IQSEC1: variants seen among roughly 807,000 people sequenced by gnomAD.
IQSEC1 encodes the protein IQ motif and SEC7 domain-containing protein 1.
IQSEC1 carries 31 observed loss-of-function variants against 91.0 expected under a neutral mutation model. That is an observed-to-expected ratio of 0.34 (90% confidence interval 0.26 to 0.46). The LOEUF (loss-of-function observed/expected upper bound fraction) is 0.46, where lower values mean the gene tolerates loss of function less well. IQSEC1 is among the 20% of genes least tolerant of loss of function. IQSEC1 has a pLI of 1.00. For synonymous variants in IQSEC1, 699 were observed against 662.6 expected (o/e 1.05, Z -0.84); for missense variants, 1,388 against 1,575.6 (o/e 0.88, Z 2.02).
intron 2 of IQSEC1, among the ~76,000 whole-genome samples, chr3:13,085,985 C>G (rs1201467438): frequency 6.6e-6 from 1 of 152,250 alleles, no homozygotes; most frequent in African/African-American, 2.4e-5. Flanking sequence ...GCACACTTCT[C>G]CTCTACCCCC....
chr3:13,127,506 A>G (rs1230629835), intron 2 of IQSEC1, among the ~76,000 whole-genome samples: 1 of 152,116 alleles, frequency 6.6e-6, no homozygotes, highest in African/African-American at 2.4e-5. Flanking sequence ...TGCCAATATC[A>G]TACTGTCTTG....
chr3:13,049,144 G>A (rs559854763), intron 1 of IQSEC1, among the ~76,000 whole-genome samples: 33 of 152,320 alleles, frequency 2.2e-4, no homozygotes, highest in African/African-American at 7.7e-4. Context: ...TGGGCATGGT[G>A]AGGAATTTTG....
chr3:12,915,845 G>C, intron 6 of IQSEC1, 112 bp from the exon 7 acceptor site: 1 of 1,254,146 alleles, frequency 8.0e-7, no homozygotes, highest in South Asian at 1.4e-5. Flanking sequence ...CAGAACCAAA[G>C]AACTCCCAGG....
chr3:12,980,403 G>A (rs1266582122), intron 1 of IQSEC1, among the ~76,000 whole-genome samples: 1 of 152,202 alleles, frequency 6.6e-6, no homozygotes, highest in Non-Finnish European at 1.5e-5. Context: ...CAGGCTCCTG[G>A]AGTTGATCCA....
At chr3:13,180,620 A>T (rs1576285137) in intron 1 of IQSEC1, among the ~76,000 whole-genome samples, 1 of 151,928 alleles carries the variant, frequency 6.6e-6, no homozygotes, top group Admixed American at 6.6e-5. Flanking sequence ...TTTGCAATAA[A>T]TCTTGCTGCT....
chr3:13,074,419 C>T (rs1705529486), upstream of IQSEC1, among the ~76,000 whole-genome samples: 1 of 152,204 alleles, frequency 6.6e-6, no homozygotes, highest in Non-Finnish European at 1.5e-5. Context: ...GCCTTTCCCA[C>T]ACAGATTTCT....
chr3:13,207,748 G>C lies in IQSEC1; in HGVS notation c.273-43615C>G, dbSNP rs1455886287. ...GCCACGCCATCGCCAGCTCTCCCGG[G>C]AGGCTCTCTCTCACCATCGCATCTA... On this transcript the variant is annotated intron_variant, in intron 1 of 15. Transcript: ENST00000648114. The surrounding 1 kb of genome is among the most constrained non-coding windows in gnomAD (Gnocchi z 4.8). Among the ~76,000 whole-genome samples, 8 of 152,188 alleles carry C rather than the reference G, an allele frequency of 5.3e-5. No homozygotes were observed. The highest frequency in any genetic ancestry group is 1.3e-4 in the Admixed American group (2 of 15,288).
At position 12,909,389 on chromosome 3, in the gene IQSEC1, T is replaced by C. The variant is rs754821070; in HGVS notation, c.2462A>G (p.Asp821Gly). 2 of 1,614,182 alleles carry C rather than the reference T, an allele frequency of 1.2e-6. No homozygotes were observed. Among genetic ancestry groups the C allele is most frequent in the Non-Finnish European group, 1.7e-6 (2 of 1,180,032 alleles). The change falls in exon 11 of 14, where the codon GAT becomes GGT. Residue 821 changes from aspartate (D) to glycine (G), a missense_variant. Asp to Gly is a moderately conservative substitution (Grantham distance 94). Coordinates refer to ENST00000613206, the MANE Select transcript of IQSEC1 (RefSeq NM_001134382.3). This position sits in a 1 kb window ranked among gnomAD's most constrained non-coding sequence, Gnocchi z 4.9. ...IRLTSSVPGA[D>G]IKVLINFNAP... is the part of the protein sequence containing the mutation. ...GTTGAAGTTTATTAACACTTTGATA[T>C]CTGCTCCGGGGACAGACGAGGTGAG...
chr3:13,220,292 C>G (rs1694633048), intron 1 of IQSEC1, among the ~76,000 whole-genome samples: 1 of 152,238 alleles, frequency 6.6e-6, no homozygotes, highest in Non-Finnish European at 1.5e-5. Context: ...AAATTTCAAA[C>G]TTGGAAATGG....
chr3:13,154,364 G>A (rs1337813233), intron 2 of IQSEC1, among the ~76,000 whole-genome samples: 3 of 143,048 alleles, frequency 2.1e-5, no homozygotes, highest in African/African-American at 7.8e-5. Context: ...CTCCCTGATG[G>A]GTGCTAATGG....
chr3:12,957,521 A>C (rs1357083008), intron 1 of IQSEC1, among the ~76,000 whole-genome samples: 2 of 152,256 alleles, frequency 1.3e-5, no homozygotes, highest in East Asian at 3.8e-4. Flanking sequence ...TAAATAAAGC[A>C]GTTCTCTGTG....
intron 1 of IQSEC1, among the ~76,000 whole-genome samples, chr3:13,006,093 T>G (rs1404614499): frequency 6.6e-6 from 1 of 152,216 alleles, no homozygotes; most frequent in African/African-American, 2.4e-5. Context: ...AGCAAAATCC[T>G]AATGATACAT....
At chr3:13,113,879 C>T (rs991099534) in intron 2 of IQSEC1, among the ~76,000 whole-genome samples, 1 of 152,210 alleles carries the variant, frequency 6.6e-6, no homozygotes, top group Non-Finnish European at 1.5e-5. Context: ...CCATCCATGG[C>T]GGACTGGCTA....
rs1459995175 is a variant in IQSEC1 at position 12,909,491 on chromosome 3, T to A, written c.2417-57A>T. The A allele has an allele frequency of 6.6e-7, 1 of 1,523,422 alleles. No individual in the cohort carries two copies. The highest frequency in any genetic ancestry group is 1.4e-5 in the African/African-American group (1 of 72,892). 94.4% of individuals were successfully genotyped at this position (1,523,422 alleles called of 1,614,324 possible). A position where few individuals can be genotyped will look rare whatever the true frequency, so the allele number is the denominator to read the frequency against. On this transcript the variant is annotated intron_variant, in intron 10 of 13. Coordinates refer to ENST00000613206, the MANE Select transcript of IQSEC1 (RefSeq NM_001134382.3). The surrounding 1 kb of genome is among the most constrained non-coding windows in gnomAD (Gnocchi z 4.9). The stretch of plus-strand genomic sequence containing the variant: ...ACGGGTCTCAGTGTGTTCTCTGCAA[T>A]CTCCTCTCTGGTCAGGAAACAATGG...
At chr3:13,218,727 G>A (rs372827022) in intron 1 of IQSEC1, among the ~76,000 whole-genome samples, 2 of 152,298 alleles carry the variant, frequency 1.3e-5, no homozygotes, top group East Asian at 3.9e-4. Context: ...CACCCTCAAG[G>A]GTGTGCACTG....
At chr3:13,002,225 A>G (rs1047809396) in intron 1 of IQSEC1, among the ~76,000 whole-genome samples, 1 of 152,258 alleles carries the variant, frequency 6.6e-6, no homozygotes, top group African/African-American at 2.4e-5. Context: ...AGTTAAAACT[A>G]TAAAAATCTT....
chr3:13,031,519 C>T (rs1297204241), intron 1 of IQSEC1, among the ~76,000 whole-genome samples: 3 of 152,206 alleles, frequency 2.0e-5, no homozygotes, highest in African/African-American at 4.8e-5. Flanking sequence ...GGGGGATAAT[C>T]AGAAAGGACA....
intron 2 of IQSEC1, among the ~76,000 whole-genome samples, chr3:12,937,046 C>A (rs1698269289): frequency 6.6e-6 from 1 of 152,064 alleles, no homozygotes; most frequent in Admixed American, 6.5e-5. Context: ...GATCCTCCTG[C>A]CTCAACCTCC....
At chr3:13,239,370 G>A (rs577150265) in intron 1 of IQSEC1, among the ~76,000 whole-genome samples, 37 of 152,358 alleles carry the variant, frequency 2.4e-4, no homozygotes, top group East Asian at 2.3e-3. Flanking sequence ...AGGCGGGACA[G>A]GAACCCATGG....
Sources: gnomAD v4.1 joint callset for allele counts (sites outside exome capture counted in the v4.1 genomes callset) on GRCh38, gnomAD v4.1.1 for gene constraint, Gnocchi (gnomAD v3.1) non-coding constraint, MANE v1.5 for transcripts, NCBI Gene and HGNC (gene_info 2026-07-23, HGNC 2026-07-21) for gene names.